The following MMUT variants were observed in gnomAD, a reference collection of about 807,000 sequenced individuals.
MMUT encodes the protein methylmalonyl-CoA mutase, also known as methylmalonyl-CoA mutase, mitochondrial.
Under a neutral mutation model 79.9 loss-of-function variants are expected in MMUT, and 79 were observed. The observed-to-expected ratio is 0.99, with a 90% CI of 0.82 to 1.19. The LOEUF (loss-of-function observed/expected upper bound fraction) is 1.19. MMUT is among the 50% of genes most tolerant of loss of function. The pLI, the probability that MMUT is intolerant of heterozygous loss-of-function variation, is 0.00. For missense variants in MMUT, 860 were observed against 917.2 expected (o/e 0.94, Z 0.81); for synonymous variants, 273 against 295.7 (o/e 0.92, Z 0.79).
At chr6:49,454,849 C>T (rs1767646521) in intron 4 of MMUT, among the ~76,000 whole-genome samples, 1 of 152,016 alleles carries the variant, frequency 6.6e-6, no homozygotes, top group African/African-American at 2.4e-5. Flanking sequence ...AGTTTGATAC[C>T]AGCTAGGCAA....
intron 5 of MMUT, among the ~76,000 whole-genome samples, chr6:49,452,867 T>G (rs1302890219): frequency 6.6e-6 from 1 of 152,084 alleles, no homozygotes; most frequent in Non-Finnish European, 1.5e-5. Flanking sequence ...ACAGTCTGCT[T>G]GCATGCTTGC....
chr6:49,456,994 T>C (rs1767705706), intron 3 of MMUT, among the ~76,000 whole-genome samples: 1 of 152,188 alleles, frequency 6.6e-6, no homozygotes, highest in Non-Finnish European at 1.5e-5. Flanking sequence ...ATAAAATGCT[T>C]GCTACACAAT....
At chr6:49,458,916 T>A (rs915798046) in intron 2 of MMUT, among the ~76,000 whole-genome samples, 166 bp downstream of exon 2, 1 of 152,224 alleles carries the variant, frequency 6.6e-6, no homozygotes, top group Non-Finnish European at 1.5e-5. Flanking sequence ...AATTCACTTA[T>A]CTTTTTGACC....
intron 12 of MMUT, among the ~76,000 whole-genome samples, chr6:49,434,550 C>T (rs1767074805): frequency 6.6e-6 from 1 of 152,152 alleles, no homozygotes; most frequent in Admixed American, 6.5e-5. Context: ...CTTACGACAG[C>T]TTCATATACA....
At chr6:49,450,945 G>C (rs1019989478) in intron 6 of MMUT, among the ~76,000 whole-genome samples, 12 of 152,254 alleles carry the variant, frequency 7.9e-5, no homozygotes, top group Admixed American at 2.6e-4. Flanking sequence ...ATTACATTGA[G>C]ATATAATTAT....
intron 12 of MMUT, 140 bp from the exon 13 acceptor site, chr6:49,431,996 T>A (rs1184767573): frequency 1.1e-5 from 10 of 942,966 alleles, no homozygotes; most frequent in Non-Finnish European, 1.6e-5. Context: ...GCTAAAAAAT[T>A]CTTCCTTGAT....
At chr6:49,445,203 GATA>G (rs1286344216) in intron 8 of MMUT, among the ~76,000 whole-genome samples, 2 of 152,100 alleles carry the variant, frequency 1.3e-5, no homozygotes, top group African/African-American at 4.8e-5. Context: ...ACAATGTATT[GATA>G]ATAATATGCA....
At chr6:49,435,413 A>C in intron 12 of MMUT, 43 bp downstream of exon 12, 1 of 1,551,174 alleles carries the variant, frequency 6.4e-7, no homozygotes, top group Non-Finnish European at 8.9e-7. Context: ...ATCATTACTC[A>C]AGATTCCCAT....
chr6:49,458,052 T>A lies in MMUT; in HGVS notation c.392A>T (p.Gln131Leu), dbSNP rs760054029. 1.2e-6 allele frequency: 2 copies of A among 1,600,630 alleles called. No individual in the cohort carries two copies. The highest frequency in any genetic ancestry group is 2.2e-5 in the South Asian group (2 of 91,046). ...ATCAAAGGCAACTGATAATCCCTGC[T>A]GACCAGCTAAATATATAAAGAAAAA... The part of the protein sequence containing the change: ...KFYKDNIKAG[Q>L]QGLSVAFDLA... The change falls in exon 3 of 13, where the codon CAG becomes CTG. Residue 131 changes from glutamine to leucine, a missense_variant. Gln to Leu is a moderately radical substitution (Grantham distance 113). Transcript: ENST00000274813.
chr6:49,444,636 C>T lies in MMUT; in HGVS notation c.1676+3G>A, dbSNP rs752322747. On this transcript the variant is annotated splice_donor_region_variant and intron_variant, in intron 9 of 12. Coordinates refer to ENST00000274813, the MANE Select transcript of MMUT (RefSeq NM_000255.4). Reference sequence around the variant, plus strand: ...GGAAACCTCCAAACTTATATATCTTCACCTTGCCCGAGATGCATCCACTGC... The same window carrying T: ...GGAAACCTCCAAACTTATATATCTTTACCTTGCCCGAGATGCATCCACTGC... 6.2e-6 allele frequency: 10 copies of T among 1,611,028 alleles called. No individual in the cohort carries two copies. Among genetic ancestry groups the T allele is most frequent in the Middle Eastern group, 1.7e-4 (1 of 6,054 alleles).
At chr6:49,435,112 G>A (rs927730699) in intron 12 of MMUT, among the ~76,000 whole-genome samples, 4 of 152,088 alleles carry the variant, frequency 2.6e-5, no homozygotes, top group Admixed American at 2.0e-4. Flanking sequence ...TACTACCACT[G>A]TTCTCTACTC....
chr6:49,434,865 C>T (rs756501050), intron 12 of MMUT, among the ~76,000 whole-genome samples: 1 of 152,112 alleles, frequency 6.6e-6, no homozygotes, highest in East Asian at 1.9e-4. Flanking sequence ...ATATTTTTGG[C>T]TCCCGAAATA....
At chr6:49,447,556 T>A (rs923956494) in intron 8 of MMUT, 114 bp downstream of exon 8, 1 of 669,788 alleles carries the variant, frequency 1.5e-6, no homozygotes, top group Non-Finnish European at 2.6e-6. Context: ...TGGAAATTAA[T>A]ACACACCTCA....
At chr6:49,458,473 A>G (rs1767752459) in intron 2 of MMUT, among the ~76,000 whole-genome samples, 1 of 152,214 alleles carries the variant, frequency 6.6e-6, no homozygotes, top group Non-Finnish European at 1.5e-5. Context: ...GTCACAAAGG[A>G]TTCCTGGCTA....
At chr6:49,453,866 G>T in intron 4 of MMUT, 110 bp from the exon 5 acceptor site, 4 of 924,700 alleles carry the variant, frequency 4.3e-6, no homozygotes, top group Non-Finnish European at 5.0e-6. Context: ...TTTTAATTTC[G>T]AAGAACTTAA....
intron 11 of MMUT, among the ~76,000 whole-genome samples, chr6:49,437,164 T>G (rs192761640): frequency 4.5e-4 from 68 of 152,322 alleles, no homozygotes; most frequent in Non-Finnish European, 8.7e-4. Context: ...TATCAGAAAC[T>G]TTTAAATTTA....
chr6:49,447,572 TTG>T lies in MMUT; in HGVS notation c.1560+96_1560+97del. ...GGAAATTAATACACACCTCATGCTG[TTG>T]TAAGGATTAATTTAAGCAGGACAGT... On this transcript the variant is annotated intron_variant, in intron 8 of 12. Coordinates refer to ENST00000274813, the MANE Select transcript of MMUT (RefSeq NM_000255.4). 4 of 709,800 alleles carry T rather than the reference TTG, an allele frequency of 5.6e-6. No individual in the cohort carries two copies. The South Asian group carries it at 6.3e-5, about 11-fold the overall frequency. The allele number at this position is 709,800 out of a possible 1,614,324, so 44.0% of individuals were successfully genotyped here. A position where few individuals can be genotyped will look rare whatever the true frequency, so the allele number is the denominator to read the frequency against.
chr6:49,451,788 T>C, intron 5 of MMUT, 74 bp from the exon 6 acceptor site: 1 of 1,428,870 alleles, frequency 7.0e-7, no homozygotes, highest in Non-Finnish European at 9.7e-7. Context: ...AGCAACATGA[T>C]TAAACAGCAA....
intron 1 of MMUT, among the ~76,000 whole-genome samples, chr6:49,461,778 C>T (rs555677623): frequency 1.3e-4 from 20 of 152,122 alleles, no homozygotes; most frequent in African/African-American, 4.8e-4. Context: ...CAAAACAAAA[C>T]AAAAAAACCT....
Sources: gnomAD v4.1 joint callset for allele counts (sites outside exome capture counted in the v4.1 genomes callset) on GRCh38, gnomAD v4.1.1 for gene constraint, MANE v1.5 for transcripts, NCBI Gene and HGNC (gene_info 2026-07-23, HGNC 2026-07-21) for gene names.